MEF2A: variants seen among roughly 807,000 people sequenced by gnomAD.
MEF2A encodes myocyte-specific enhancer factor 2A.
MEF2A carries 28 observed loss-of-function variants against 55.8 expected under a neutral mutation model. The ratio of observed to expected loss-of-function variants is 0.50; its 90% confidence interval spans 0.37 to 0.69. The LOEUF is 0.69. MEF2A is among the 30% of genes least tolerant of loss of function. The pLI is 0.00. For synonymous variants in MEF2A, 239 were observed against 227.1 expected, an observed-to-expected ratio of 1.05 and a Z score of -0.47; for missense variants, 528 against 626.2, an observed-to-expected ratio of 0.84 and a Z score of 1.67.
At chr15:99,671,004 A>G (rs550954989) in intron 4 of MEF2A, among the ~76,000 whole-genome samples, 37 of 152,346 alleles carry the variant, frequency 2.4e-4, no homozygotes, top group African/African-American at 8.4e-4. Flanking sequence ...TGGTTATATC[A>G]TATAAATTGA....
intron 4 of MEF2A, among the ~76,000 whole-genome samples, chr15:99,667,466 G>A (rs928959774): frequency 9.9e-5 from 15 of 152,054 alleles, no homozygotes; most frequent in Admixed American, 6.5e-4. Context: ...CTCGTGATCC[G>A]CCCGCCTCGG....
rs1452762637 is a variant in MEF2A at position 99,657,598 on chromosome 15, TCTGGATAAAGCAGTTTGTAAAA to T, written c.258+11838_258+11859del. On this transcript the variant is annotated intron_variant, in intron 4 of 11. Transcript: ENST00000557942. ...CTAACCACCCTGAATCATTTGCCCA[TCTGGATAAAGCAGTTTGTAAAA>T]CTGAGATTTGGGTTCTGATAGATTT... is the stretch of plus-strand genomic sequence containing the variant. The T allele has an allele frequency of 3.3e-5, 5 of 152,190 alleles. 1 individual carries two copies. The highest frequency in any genetic ancestry group is 1.2e-4 in the African/African-American group (5 of 41,552). 9.4% of individuals were successfully genotyped at this position (152,190 alleles called of 1,614,324 possible). A position where few individuals can be genotyped will look rare whatever the true frequency, so the allele number is the denominator to read the frequency against.
chr15:99,601,603 C>A (rs1373155965), intron 2 of MEF2A, among the ~76,000 whole-genome samples: 1 of 151,550 alleles, frequency 6.6e-6, no homozygotes, highest in Non-Finnish European at 1.5e-5. Flanking sequence ...CCTACCTCCC[C>A]TCCTGTTTGT....
At chr15:99,681,478 T>C (rs1002873087) in intron 7 of MEF2A, among the ~76,000 whole-genome samples, 2 of 152,186 alleles carry the variant, frequency 1.3e-5, no homozygotes, top group African/African-American at 4.8e-5. Flanking sequence ...AGAAACCCAG[T>C]TTTCAGTCAT....
chr15:99,571,966 A>G (rs989354101), intron 1 of MEF2A, among the ~76,000 whole-genome samples: 20 of 151,106 alleles, frequency 1.3e-4, no homozygotes, highest in Non-Finnish European at 1.5e-4. Flanking sequence ...GAAGTACTGC[A>G]GTAATTTTCT....
intron 10 of MEF2A, among the ~76,000 whole-genome samples, chr15:99,708,068 C>A (rs2058237324): frequency 6.6e-6 from 1 of 152,184 alleles, no homozygotes; most frequent in Non-Finnish European, 1.5e-5. Flanking sequence ...GTGCCTTGCA[C>A]AGAACAAGGT....
At chr15:99,568,948 A>G (rs1960909993) in intron 1 of MEF2A, among the ~76,000 whole-genome samples, 1 of 152,252 alleles carries the variant, frequency 6.6e-6, no homozygotes, top group African/African-American at 2.4e-5. Context: ...TAGATAAGAA[A>G]GAAAATCTGT....
chr15:99,646,525 A>C (rs1242625499), intron 4 of MEF2A, among the ~76,000 whole-genome samples: 2 of 152,002 alleles, frequency 1.3e-5, no homozygotes, highest in African/African-American at 4.8e-5. Context: ...GGAATTTTTT[A>C]TTACTTGAAA....
At chr15:99,591,857 G>C (rs1313368125) in intron 1 of MEF2A, among the ~76,000 whole-genome samples, 2 of 150,704 alleles carry the variant, frequency 1.3e-5, no homozygotes, top group African/African-American at 4.9e-5. Flanking sequence ...TTTCTTTTTT[G>C]TTCCTTTAAA....
intron 2 of MEF2A, among the ~76,000 whole-genome samples, chr15:99,612,109 G>A (rs1359692877): frequency 6.6e-6 from 1 of 151,996 alleles, no homozygotes; most frequent in Non-Finnish European, 1.5e-5. Context: ...ACTGCTTTGT[G>A]AATACGATTT....
chr15:99,690,740 A>G, intron 8 of MEF2A: 1 of 467,234 alleles, frequency 2.1e-6, no homozygotes, highest in South Asian at 1.6e-5. Flanking sequence ...CTCATGTGGG[A>G]CCTAAAAAAA....
Position 99,674,626 on chromosome 15 carries a change from C to T in MEF2A, c.610+14C>T. The T allele has an allele frequency of 1.9e-6, 3 of 1,584,312 alleles. No homozygotes were observed. The highest frequency in any genetic ancestry group is 2.2e-5 in the South Asian group (2 of 88,930). ...CTGGCAATGCAGGTATGTAGTGATA[C>T]CTATTATGCTGGTTCTTTAATAAAG... On this transcript the variant is annotated intron_variant, in intron 6 of 11. Coordinates refer to ENST00000557942, the MANE Select transcript of MEF2A (RefSeq NM_001319206.4).
In MEF2A at chr15:99,715,175, T is replaced by A. The variant is rs2059035779; in HGVS notation, c.*2404T>A. Reference sequence around the variant, plus strand: ...CAACACTGAAGTTCCAAAATAATCCTTACCACTTTGTAAACCATTTATAGC... The same window carrying A: ...CAACACTGAAGTTCCAAAATAATCCATACCACTTTGTAAACCATTTATAGC... On this transcript the variant is annotated 3_prime_UTR_variant, in exon 12 of 12. Coordinates refer to ENST00000557942, the MANE Select transcript of MEF2A (RefSeq NM_001319206.4). 6.6e-6 allele frequency: 1 copy of A among 152,222 alleles called. No individual in the cohort carries two copies. Among genetic ancestry groups the A allele is most frequent in the Admixed American group, 6.5e-5 (1 of 15,280 alleles). 9.4% of individuals were successfully genotyped at this position (152,222 alleles called of 1,614,324 possible). A position where few individuals can be genotyped will look rare whatever the true frequency, so the allele number is the denominator to read the frequency against.
chr15:99,669,869 C>A (rs1004211317), intron 4 of MEF2A, among the ~76,000 whole-genome samples: 2 of 152,146 alleles, frequency 1.3e-5, no homozygotes, highest in South Asian at 2.1e-4. Context: ...ATGAAATAAT[C>A]AAAAATATCT....
chr15:99,619,590 A>AT (rs2040794200), intron 2 of MEF2A, among the ~76,000 whole-genome samples: 1 of 152,160 alleles, frequency 6.6e-6, no homozygotes, highest in Non-Finnish European at 1.5e-5. Flanking sequence ...CAGCCAACTG[A>AT]TTACTCATTT....
chr15:99,673,503 A>C (rs1218179423), intron 5 of MEF2A, among the ~76,000 whole-genome samples: 10 of 152,108 alleles, frequency 6.6e-5, no homozygotes, highest in Admixed American at 4.6e-4. Flanking sequence ...GTGTTACCTT[A>C]TTTTTGTATG....
chr15:99,585,624 G>T (rs1224045230), intron 1 of MEF2A, among the ~76,000 whole-genome samples: 2 of 152,162 alleles, frequency 1.3e-5, no homozygotes, highest in East Asian at 3.8e-4. Context: ...GAAATTAGTC[G>T]TGTGTACCAC....
chr15:99,595,566 A>G (rs1970866557), intron 1 of MEF2A, among the ~76,000 whole-genome samples: 1 of 152,214 alleles, frequency 6.6e-6, no homozygotes, highest in South Asian at 2.1e-4. Flanking sequence ...CAAATGAATT[A>G]TATTGAATCC....
At chr15:99,665,614 G>T (rs1371249673) in intron 4 of MEF2A, among the ~76,000 whole-genome samples, 1 of 149,200 alleles carries the variant, frequency 6.7e-6, no homozygotes, top group Non-Finnish European at 1.5e-5. Context: ...CTTCTGCACA[G>T]CAAAAGAAAC....
Sources: gnomAD v4.1 joint callset for allele counts (sites outside exome capture counted in the v4.1 genomes callset) on GRCh38, gnomAD v4.1.1 for gene constraint, MANE v1.5 for transcripts, NCBI Gene and HGNC (gene_info 2026-07-23, HGNC 2026-07-21) for gene names.